Variants in NTRK3 observed in about 807,000 individuals in gnomAD.
The protein encoded by NTRK3 is neurotrophic receptor tyrosine kinase 3.
NTRK3 carries 24 observed loss-of-function variants against 91.7 expected under a neutral mutation model. The ratio of observed to expected loss-of-function variants is 0.26; its 90% CI spans 0.19 to 0.37. NTRK3 has a LOEUF of 0.37. Among genes scored for constraint, NTRK3 ranks in the 10% least tolerant of loss-of-function variants. The pLI is 1.00. For synonymous variants in NTRK3, 483 were observed against 404.0 expected (o/e 1.20, Z -2.34); for missense variants, 880 against 1,068.9 (o/e 0.82, Z 2.46).
chr15:88,234,356 C>T lies in NTRK3; in HGVS notation c.248+21550G>A, dbSNP rs2051487451. Among the ~76,000 whole-genome samples the T allele has an allele frequency of 6.6e-6, 1 of 152,200 alleles. No individual in the cohort carries two copies. The highest frequency in any genetic ancestry group is 1.5e-5 in the Non-Finnish European group (1 of 68,038). On this transcript the variant is annotated intron_variant, in intron 3 of 18. Coordinates refer to ENST00000394480, the Ensembl canonical transcript of NTRK3. This position sits in a 1 kb window ranked among gnomAD's most constrained non-coding sequence, Gnocchi z 6.1. ...TATATAGCAAGGCATATGCTAAACACTGGAAAGACAAAGATAAGCTGGACC... is the reference window on the plus strand; with the variant it reads ...TATATAGCAAGGCATATGCTAAACATTGGAAAGACAAAGATAAGCTGGACC...
chr15:88,153,454 C>T (rs1266223708), intron 5 of NTRK3, among the ~76,000 whole-genome samples: 1 of 151,988 alleles, frequency 6.6e-6, no homozygotes, highest in Non-Finnish European at 1.5e-5. Flanking sequence ...GCGGTTTCTC[C>T]ATGTTGGTCA....
chr15:88,159,574 T>G (rs937625198), intron 5 of NTRK3, among the ~76,000 whole-genome samples: 3 of 152,346 alleles, frequency 2.0e-5, no homozygotes, highest in South Asian at 2.1e-4. Flanking sequence ...CATGGGCAAG[T>G]TGACTTTGGC....
At chr15:88,056,712 T>C (rs1299108935) in intron 13 of NTRK3, among the ~76,000 whole-genome samples, 2 of 152,224 alleles carry the variant, frequency 1.3e-5, no homozygotes, top group African/African-American at 2.4e-5. Context: ...CAAGATAGCC[T>C]GTCCGGAAAA....
chr15:88,118,859 C>CGAGTCA (rs1233012941), intron 13 of NTRK3, among the ~76,000 whole-genome samples: 2 of 152,262 alleles, frequency 1.3e-5, no homozygotes, highest in Non-Finnish European at 1.5e-5. Flanking sequence ...TGCAACAACA[C>CGAGTCA]GAGTCAGTAA....
intron 14 of NTRK3, among the ~76,000 whole-genome samples, chr15:88,028,973 A>C (rs753315682): frequency 2.0e-5 from 3 of 152,196 alleles, no homozygotes; most frequent in Non-Finnish European, 4.4e-5. Flanking sequence ...AAGGTAACTG[A>C]GGGTCCAATG....
chr15:88,061,933 G>A (rs1421066177), intron 13 of NTRK3, among the ~76,000 whole-genome samples: 2 of 152,042 alleles, frequency 1.3e-5, no homozygotes, highest in African/African-American at 2.4e-5. Flanking sequence ...ATCGACCTTC[G>A]GTATCTGTGG....
chr15:88,151,426 C>T (rs1231885845), intron 5 of NTRK3, among the ~76,000 whole-genome samples: 1 of 152,118 alleles, frequency 6.6e-6, no homozygotes, highest in East Asian at 1.9e-4. Flanking sequence ...GCATTAACCC[C>T]ATAATGAACA....
intron 3 of NTRK3, among the ~76,000 whole-genome samples, chr15:88,185,724 T>C (rs1333627922): frequency 1.3e-5 from 2 of 152,010 alleles, no homozygotes; most frequent in African/African-American, 2.4e-5. Flanking sequence ...ACAGCCACCT[T>C]CCCCAGACAT....
intron 17 of NTRK3, among the ~76,000 whole-genome samples, chr15:87,894,267 C>A (rs563963371): frequency 1.9e-3 from 282 of 152,360 alleles, no homozygotes; most frequent in Non-Finnish European, 2.8e-3. Flanking sequence ...CATGATCCCA[C>A]TAGCAGTCCC....
chr15:88,076,709 G>A (rs370649344), intron 13 of NTRK3, among the ~76,000 whole-genome samples: 2 of 146,086 alleles, frequency 1.4e-5, no homozygotes, highest in East Asian at 2.0e-4. Flanking sequence ...AAGCTGTGAC[G>A]AATGCAATGA....
intron 3 of NTRK3, among the ~76,000 whole-genome samples, chr15:88,193,477 G>A (rs2047571674): frequency 6.6e-6 from 1 of 152,150 alleles, no homozygotes; most frequent in African/African-American, 2.4e-5. Flanking sequence ...CGAAGAGGAA[G>A]CAGAAATGTC....
At chr15:87,990,639 C>T (rs1249528499) in intron 14 of NTRK3, among the ~76,000 whole-genome samples, 1 of 152,186 alleles carries the variant, frequency 6.6e-6, no homozygotes, top group African/African-American at 2.4e-5. Flanking sequence ...GTTTCCAAAA[C>T]TAACCCTTTA....
chr15:88,097,107 G>A (rs2049689286), intron 13 of NTRK3, among the ~76,000 whole-genome samples: 1 of 152,176 alleles, frequency 6.6e-6, no homozygotes, highest in Non-Finnish European at 1.5e-5. Flanking sequence ...AGTGACACAG[G>A]CTGACATGAT....
At chr15:88,063,777 T>TG (rs2142528000) in intron 13 of NTRK3, among the ~76,000 whole-genome samples, 1 of 152,314 alleles carries the variant, frequency 6.6e-6, no homozygotes, top group East Asian at 1.9e-4. Context: ...GAAGAATGAA[T>TG]GAACCACTCC....
At chr15:88,118,771 G>A (rs1272900142) in intron 13 of NTRK3, among the ~76,000 whole-genome samples, 1 of 152,182 alleles carries the variant, frequency 6.6e-6, no homozygotes, top group East Asian at 1.9e-4. Context: ...CCTGTCACAT[G>A]AGTAGCAAGG....
At chr15:88,007,915 C>T (rs1337507122) in intron 14 of NTRK3, among the ~76,000 whole-genome samples, 3 of 152,054 alleles carry the variant, frequency 2.0e-5, no homozygotes, top group Non-Finnish European at 2.9e-5. Flanking sequence ...CCTTTGTTAC[C>T]AAGAAAATGC....
chr15:88,158,778 G>C (rs564083174), intron 5 of NTRK3, among the ~76,000 whole-genome samples: 1 of 152,248 alleles, frequency 6.6e-6, no homozygotes, highest in East Asian at 1.9e-4. Context: ...CCACCACCCG[G>C]GGAGGTGGAG....
At chr15:87,908,541 G>T in intron 17 of NTRK3, 1 of 399,392 alleles carries the variant, frequency 2.5e-6, no homozygotes. Flanking sequence ...CACACTGAAC[G>T]GGCCCTTCTG....
At chr15:87,889,740 G>A (rs1037057946) in intron 17 of NTRK3, among the ~76,000 whole-genome samples, 1 of 152,004 alleles carries the variant, frequency 6.6e-6, no homozygotes, top group Non-Finnish European at 1.5e-5. Context: ...CAAAGGGTAG[G>A]AGAACCAGAG....
Sources: gnomAD v4.1 joint callset for allele counts (sites outside exome capture counted in the v4.1 genomes callset) on GRCh38, gnomAD v4.1.1 for gene constraint, Gnocchi (gnomAD v3.1) non-coding constraint, MANE v1.5 for transcripts, NCBI Gene and HGNC (gene_info 2026-07-23, HGNC 2026-07-21) for gene names.